The following SLC35F1 variants were observed in gnomAD, a reference collection of about 807,000 sequenced individuals.
SLC35F1 encodes the protein chromosome 6 open reading frame 169.
A neutral mutation model predicts 48.7 loss-of-function variants in SLC35F1; 14 were observed. The ratio of observed to expected loss-of-function variants is 0.29; its 90% CI spans 0.19 to 0.45. SLC35F1 has a LOEUF of 0.45. Among genes scored for constraint, SLC35F1 ranks in the 20% least tolerant of loss-of-function variants. SLC35F1 has a pLI of 1.00. For synonymous variants in SLC35F1, 190 were observed against 202.2 expected (o/e 0.94, Z 0.51); for missense variants, 404 against 500.0 (o/e 0.81, Z 1.83).
intron 2 of SLC35F1, among the ~76,000 whole-genome samples, chr6:118,230,282 G>A (rs570916441): frequency 1.3e-5 from 2 of 151,732 alleles, no homozygotes; most frequent in African/African-American, 4.8e-5. Context: ...GGAGGTTGCA[G>A]TGAGCCGAGA....
At chr6:117,993,649 A>G (rs1161797677) in intron 1 of SLC35F1, among the ~76,000 whole-genome samples, 2 of 152,102 alleles carry the variant, frequency 1.3e-5, no homozygotes, top group Non-Finnish European at 2.9e-5. Flanking sequence ...TAGTTATAGC[A>G]TAATTTAGAT....
intron 1 of SLC35F1, among the ~76,000 whole-genome samples, chr6:118,097,518 C>A (rs1773194445): frequency 6.6e-6 from 1 of 152,122 alleles, no homozygotes; most frequent in Non-Finnish European, 1.5e-5. Flanking sequence ...GTCTCGTTTA[C>A]TGTTGGACCC....
chr6:118,126,538 G>A (rs1773627371), intron 1 of SLC35F1, among the ~76,000 whole-genome samples: 3 of 151,652 alleles, frequency 2.0e-5, no homozygotes. Context: ...GTAGCTTGAT[G>A]GGGATGGCAT....
At position 118,212,696 on chromosome 6, in the gene SLC35F1, A is replaced by G. The variant is rs937194507; in HGVS notation, c.350-22813A>G. On this transcript the variant is annotated intron_variant, in intron 2 of 7. Coordinates refer to ENST00000360388, the MANE Select transcript of SLC35F1 (RefSeq NM_001029858.4). ...GAGTGAAAAGAAAGAAAAGAAAGAA[A>G]GAAGGAAAGAAGGAAAGGAAGGAAG... 4.1e-5 allele frequency among the ~76,000 whole-genome samples: 6 copies of G among 146,376 alleles called. No homozygotes were observed. In the South Asian group the frequency reaches 1.1e-3, roughly 27 times the overall value.
chr6:118,136,897 A>G (rs1385357985), intron 1 of SLC35F1, among the ~76,000 whole-genome samples: 1 of 152,196 alleles, frequency 6.6e-6, no homozygotes, highest in Non-Finnish European at 1.5e-5. Context: ...CTGTTCTTCA[A>G]AGGGCCTCAT....
chr6:118,014,548 C>T lies in SLC35F1; in HGVS notation c.173+106649C>T, dbSNP rs140865284. Among the ~76,000 whole-genome samples the T allele has an allele frequency of 3.3e-5, 5 of 152,258 alleles. No individual in the cohort carries two copies. The East Asian group carries it at 9.7e-4, about 29-fold the overall frequency. ...GCTCACATTTGTCACTTCTCTACAA[C>T]TCTTTAAAACCCAATTGTAATCAGA... is the stretch of plus-strand genomic sequence containing the variant. On this transcript the variant is annotated intron_variant, in intron 1 of 7. Transcript: ENST00000360388.
At chr6:117,911,179 C>G (rs919700824) in intron 1 of SLC35F1, among the ~76,000 whole-genome samples, 2 of 152,080 alleles carry the variant, frequency 1.3e-5, no homozygotes, top group African/African-American at 2.4e-5. Flanking sequence ...AAAGAGGAGG[C>G]ACTAGATAAT....
chr6:118,281,339 G>T (rs566533512), intron 6 of SLC35F1, among the ~76,000 whole-genome samples: 1 of 151,872 alleles, frequency 6.6e-6, no homozygotes, highest in South Asian at 2.1e-4. Context: ...TTAAAGTCAG[G>T]CTGCCTATGT....
intron 2 of SLC35F1, among the ~76,000 whole-genome samples, chr6:118,228,021 C>G (rs959865339): frequency 6.6e-6 from 1 of 152,146 alleles, no homozygotes; most frequent in African/African-American, 2.4e-5. Context: ...AACCCAATTC[C>G]TACGTGCCAC....
At chr6:118,302,097 A>C (rs1776259829) in intron 7 of SLC35F1, among the ~76,000 whole-genome samples, 1 of 152,090 alleles carries the variant, frequency 6.6e-6, no homozygotes, top group South Asian at 2.1e-4. Context: ...GGTGGCATCT[A>C]ACGCCGTATC....
rs924848619 is a variant in SLC35F1 at position 118,267,009 on chromosome 6, T to C, written c.492T>C (p.Phe164=). ...TLTSIQLLDC[F]VIPVVILLSW... Reference sequence around the variant, plus strand: ...CCTCCCAATAGCTCCTGGACTGTTTTGTGATCCCAGTCGTGATTTTGCTCT... The same window carrying C: ...CCTCCCAATAGCTCCTGGACTGTTTCGTGATCCCAGTCGTGATTTTGCTCT... The change falls in exon 4 of 8, where the codon TTT becomes TTC. Residue 164 remains phenylalanine, a synonymous_variant. Coordinates refer to ENST00000360388, the MANE Select transcript of SLC35F1 (RefSeq NM_001029858.4). 4.3e-6 allele frequency: 7 copies of C among 1,613,882 alleles called. No individual in the cohort carries two copies. The African/African-American group carries it at 9.3e-5, about 22-fold the overall frequency.
At chr6:118,120,709 G>A (rs1295185148) in intron 1 of SLC35F1, among the ~76,000 whole-genome samples, 2 of 152,226 alleles carry the variant, frequency 1.3e-5, no homozygotes, top group South Asian at 2.1e-4. Flanking sequence ...ATTGATGATC[G>A]AGGGTGATGG....
At chr6:118,034,216 A>G (rs1417740356) in intron 1 of SLC35F1, among the ~76,000 whole-genome samples, 1 of 152,032 alleles carries the variant, frequency 6.6e-6, no homozygotes, top group Non-Finnish European at 1.5e-5. Flanking sequence ...AAACATCTTA[A>G]AAATATAAAA....
chr6:118,090,962 T>C (rs939075986), intron 1 of SLC35F1, among the ~76,000 whole-genome samples: 1 of 151,906 alleles, frequency 6.6e-6, no homozygotes, highest in Non-Finnish European at 1.5e-5. Context: ...AGAAGTGGAA[T>C]AGAGTTTGAA....
intron 1 of SLC35F1, among the ~76,000 whole-genome samples, chr6:117,948,593 A>T (rs1216238936): frequency 6.6e-6 from 1 of 152,176 alleles, no homozygotes; most frequent in African/African-American, 2.4e-5. Flanking sequence ...TGCATTTGAC[A>T]TTGGGGATAC....
chr6:118,161,002 C>G (rs1022329184), intron 2 of SLC35F1, among the ~76,000 whole-genome samples: 1 of 151,240 alleles, frequency 6.6e-6, no homozygotes, highest in Non-Finnish European at 1.5e-5. Context: ...TATTTGTTCT[C>G]TACAGAAATA....
At chr6:118,297,991 G>A (rs542396356) in intron 7 of SLC35F1, among the ~76,000 whole-genome samples, 84 of 151,928 alleles carry the variant, frequency 5.5e-4, no homozygotes, top group Middle Eastern at 3.4e-3. Context: ...AGATCTGGTT[G>A]TTTAAAAGAA....
intron 1 of SLC35F1, among the ~76,000 whole-genome samples, chr6:118,058,737 T>C (rs1413685426): frequency 1.3e-5 from 2 of 152,228 alleles, no homozygotes; most frequent in Non-Finnish European, 2.9e-5. Flanking sequence ...ATTGTGAGAA[T>C]AGTTCTTAAA....
intron 1 of SLC35F1, among the ~76,000 whole-genome samples, chr6:117,928,075 A>T (rs936797748): frequency 1.3e-5 from 2 of 152,124 alleles, no homozygotes; most frequent in Non-Finnish European, 2.9e-5. Context: ...TGTAACTTTC[A>T]TTGCTCCCAT....
Sources: allele counts gnomAD v4.1 joint callset (sites outside exome capture counted in the v4.1 genomes callset), GRCh38; gene constraint gnomAD v4.1.1; transcripts MANE v1.5; gene names NCBI Gene and HGNC (gene_info 2026-07-23, HGNC 2026-07-21).